Variants in VPS35L observed in about 807,000 individuals in gnomAD.
The protein encoded by VPS35L is VPS35 endosomal protein-sorting factor-like.
In VPS35L, 83 loss-of-function variants were observed where a neutral mutation model predicts 133.0. That is an observed-to-expected ratio of 0.62 (90% CI 0.52 to 0.75). The LOEUF (loss-of-function observed/expected upper bound fraction) is 0.75. Among genes scored for constraint, VPS35L ranks in the 30% least tolerant of loss-of-function variants. The probability of loss-of-function intolerance (pLI) is 0.00; values close to 1 mark genes in which losing one functional copy is unlikely to be tolerated. For missense variants in VPS35L, 1,083 were observed against 1,206.8 expected, an observed-to-expected ratio of 0.90 and a Z score of 1.52; for synonymous variants, 423 against 449.9, an observed-to-expected ratio of 0.94 and a Z score of 0.76.
intron 24 of VPS35L, among the ~76,000 whole-genome samples, chr16:19,648,162 T>C (rs918930061): frequency 6.6e-6 from 1 of 152,086 alleles, no homozygotes; most frequent in Non-Finnish European, 1.5e-5. Context: ...AGATGGGGTC[T>C]CTGTGTTGCC....
At position 19,700,895 on chromosome 16, in the gene VPS35L, T is replaced by A. The variant is rs1377161446; in HGVS notation, c.*419T>A. 6.1e-6 allele frequency: 1 copy of A among 164,262 alleles called. No individual in the cohort carries two copies. Among genetic ancestry groups the A allele is most frequent in the East Asian group, 1.7e-4 (1 of 5,924 alleles). 10.2% of individuals were successfully genotyped at this position (164,262 alleles called of 1,614,324 possible). A position where few individuals can be genotyped will look rare whatever the true frequency, so the allele number is the denominator to read the frequency against. ...TTCCAGACCCATTCCATTCCAGACT[T>A]TGTACCTTAAAGTTAGAGCACACCC... is the stretch of plus-strand genomic sequence containing the variant. On this transcript the variant is annotated 3_prime_UTR_variant, in exon 31 of 31. Transcript: ENST00000417362.
chr16:19,629,818 A>T lies in VPS35L; in HGVS notation c.1552A>T (p.Thr518Ser), dbSNP rs1567438449. 1.9e-6 allele frequency: 3 copies of T among 1,613,390 alleles called. No individual in the cohort carries two copies. The Middle Eastern group carries it at 5.0e-4, about 266-fold the overall frequency. Reference sequence around the variant, plus strand: ...GGTGGAATACACCTGCAAGCATTTCACGGTATGTGTGACTGTGGTATTGTT... The same window carrying T: ...GGTGGAATACACCTGCAAGCATTTCTCGGTATGTGTGACTGTGGTATTGTT... Reference protein sequence around the residue: ...VWVEYTCKHFTKREVNTVLAD... With the variant: ...VWVEYTCKHFSKREVNTVLAD... The change falls in exon 18 of 31, where the codon ACG becomes TCG. Residue 518 changes from threonine to serine, a missense_variant and splice_region_variant. Transcript: ENST00000417362.
Position 19,633,884 on chromosome 16 carries a change from G to A in VPS35L, c.1635+712G>A, listed in dbSNP as rs1245079850. On this transcript the variant is annotated intron_variant, in intron 19 of 30. Transcript: ENST00000417362. This position sits in a 1 kb window ranked among gnomAD's most constrained non-coding sequence, Gnocchi z 4.1. ...TGGGACTACAGGGGCGTGCCACCACGCCTGGCTAATTTTTTGAATTTTTAG... is the reference window on the plus strand; with the variant it reads ...TGGGACTACAGGGGCGTGCCACCACACCTGGCTAATTTTTTGAATTTTTAG... 6.6e-6 allele frequency among the ~76,000 whole-genome samples: 1 copy of A among 151,966 alleles called. No individual in the cohort carries two copies. The highest frequency in any genetic ancestry group is 2.0e-4 in the East Asian group (1 of 5,118).
At chr16:19,610,500 C>T in intron 12 of VPS35L, 85 bp downstream of exon 12, 2 of 959,370 alleles carry the variant, frequency 2.1e-6, no homozygotes, top group South Asian at 1.6e-5. Context: ...TTCCCCACCA[C>T]CCCGCAAGTC....
intron 12 of VPS35L, among the ~76,000 whole-genome samples, chr16:19,612,614 C>A (rs1397169700): frequency 6.6e-6 from 1 of 152,206 alleles, no homozygotes; most frequent in Non-Finnish European, 1.5e-5. Context: ...ATGCTTTGAA[C>A]ACACCTTGAC....
chr16:19,671,411 G>A (rs532858477), intron 27 of VPS35L, among the ~76,000 whole-genome samples: 10 of 151,080 alleles, frequency 6.6e-5, no homozygotes, highest in Non-Finnish European at 7.4e-5. Context: ...GGAGGTTGCA[G>A]TGAGCCGAGA....
intron 18 of VPS35L, 101 bp downstream of exon 18, chr16:19,629,921 C>G: frequency 2.8e-6 from 3 of 1,060,478 alleles, no homozygotes; most frequent in Non-Finnish European, 4.3e-6. Context: ...GACAACGGTA[C>G]TTGCTCTTGT....
At chr16:19,602,730 G>A (rs918923781) in intron 9 of VPS35L, among the ~76,000 whole-genome samples, 8 of 152,074 alleles carry the variant, frequency 5.3e-5, no homozygotes, top group African/African-American at 1.2e-4. Context: ...ACCCTCCTCA[G>A]TAGCTGGGAC....
chr16:19,595,598 T>C (rs995562522), intron 8 of VPS35L, among the ~76,000 whole-genome samples: 1 of 152,136 alleles, frequency 6.6e-6, no homozygotes, highest in Non-Finnish European at 1.5e-5. Flanking sequence ...AGATTAACTC[T>C]GAGACACTGA....
chr16:19,634,788 G>A (rs1973573904), intron 19 of VPS35L, among the ~76,000 whole-genome samples: 1 of 152,156 alleles, frequency 6.6e-6, no homozygotes, highest in African/African-American at 2.4e-5. Context: ...TGAGGAGCAG[G>A]ATATTTGCAT....
intron 1 of VPS35L, among the ~76,000 whole-genome samples, chr16:19,561,818 AC>A (rs1971038327): frequency 2.0e-5 from 3 of 152,084 alleles, no homozygotes. Flanking sequence ...TTAAAGAAAA[AC>A]TATTGGCTGG....
rs1299748628 is a variant in VPS35L at position 19,640,058 on chromosome 16, T to C, written c.1742T>C (p.Val581Ala). The C allele has an allele frequency of 6.2e-7, 1 of 1,614,180 alleles. No homozygotes were observed. Among genetic ancestry groups the C allele is most frequent in the Non-Finnish European group, 8.5e-7 (1 of 1,180,018 alleles). Reference sequence around the variant, plus strand: ...CTGGACATGTTCCAAAAAGAGAGTGTGCGGGTGGAGGTTTGCAAATGCATC... The same window carrying C: ...CTGGACATGTTCCAAAAAGAGAGTGCGCGGGTGGAGGTTTGCAAATGCATC... Reference protein sequence around the residue: ...PFLDMFQKESVRVEVCKCIMD... With the variant: ...PFLDMFQKESARVEVCKCIMD... Residue 581 changes from valine to alanine, a missense_variant, in exon 21 of 31, where the codon GTG becomes GCG. Physicochemically the swap from Val to Ala is moderately conservative, Grantham distance 64. Transcript: ENST00000417362.
Position 19,564,926 on chromosome 16 carries a change from C to T in VPS35L, c.93C>T (p.Asp31=). Residue 31 remains aspartate (D), a synonymous_variant, in exon 2 of 31, where the codon GAC becomes GAT. Coordinates refer to ENST00000417362, the MANE Select transcript of VPS35L (RefSeq NM_020314.7). The part of the protein sequence containing the change: ...RLEAVPLEFG[D]YHPLKPITVT... Reference sequence around the variant, plus strand: ...AGGCTGTACCATTGGAGTTTGGGGACTATCACCCTCTGAAACCCATAACTG... The same window carrying T: ...AGGCTGTACCATTGGAGTTTGGGGATTATCACCCTCTGAAACCCATAACTG... 6.2e-7 allele frequency: 1 copy of T among 1,611,992 alleles called. No homozygotes were observed.
chr16:19,673,245 G>A (rs1974936936), intron 27 of VPS35L, among the ~76,000 whole-genome samples: 1 of 152,250 alleles, frequency 6.6e-6, no homozygotes, highest in Admixed American at 6.5e-5. Context: ...GCTATGTCCT[G>A]ATGGAGAACA....
chr16:19,590,847 C>T (rs964172844), intron 7 of VPS35L, among the ~76,000 whole-genome samples: 9 of 151,668 alleles, frequency 5.9e-5, no homozygotes, highest in Non-Finnish European at 1.2e-4. Context: ...CCCAGCTACT[C>T]GGGAGGCTGA....
intron 25 of VPS35L, among the ~76,000 whole-genome samples, 180 bp downstream of exon 25, chr16:19,650,639 A>G (rs1366496103): frequency 6.6e-6 from 1 of 152,122 alleles, no homozygotes; most frequent in Non-Finnish European, 1.5e-5. Context: ...TAATGTTTTC[A>G]AGAGAAATGG....
chr16:19,588,184 TATG>T (rs1971932909), intron 7 of VPS35L, among the ~76,000 whole-genome samples: 1 of 151,040 alleles, frequency 6.6e-6, no homozygotes, highest in African/African-American at 2.4e-5. Flanking sequence ...TGTATGTATG[TATG>T]TATTTATTTA....
chr16:19,586,620 G>A (rs1597331593), intron 7 of VPS35L, among the ~76,000 whole-genome samples: 1 of 152,272 alleles, frequency 6.6e-6, no homozygotes, highest in East Asian at 1.9e-4. Context: ...GATTACAGGC[G>A]TGAGCCACCG....
chr16:19,654,782 T>G (rs889955004), intron 26 of VPS35L, among the ~76,000 whole-genome samples: 3 of 152,302 alleles, frequency 2.0e-5, no homozygotes, highest in African/African-American at 7.2e-5. Flanking sequence ...AATTGTGAGC[T>G]GCAGATACCA....
Sources: gnomAD v4.1 joint callset for allele counts (sites outside exome capture counted in the v4.1 genomes callset) on GRCh38, gnomAD v4.1.1 for gene constraint, Gnocchi (gnomAD v3.1) non-coding constraint, MANE v1.5 for transcripts, NCBI Gene and HGNC (gene_info 2026-07-23, HGNC 2026-07-21) for gene names.